DPP8: variants seen among roughly 807,000 people sequenced by gnomAD.
The protein encoded by DPP8 is DPP VIII.
Under a neutral mutation model 107.5 loss-of-function variants are expected in DPP8, and 31 were observed. The ratio of observed to expected loss-of-function variants is 0.29; its 90% CI spans 0.22 to 0.39. The LOEUF (loss-of-function observed/expected upper bound fraction) is 0.39. DPP8 is among the 10% of genes least tolerant of loss of function. The pLI is 1.00. For missense variants in DPP8, 842 were observed against 1,076.1 expected, an observed-to-expected ratio of 0.78 and a Z score of 3.04; for synonymous variants, 381 against 356.6, an observed-to-expected ratio of 1.07 and a Z score of -0.77.
In DPP8 at chr15:65,446,163, T is replaced by G. The variant is rs1471152946; in HGVS notation, c.*721A>C. ...CTGTAATTATCAATATCATGACTAA[T>G]TAAATCCATGCTACATATACAGTTA... On this transcript the variant is annotated 3_prime_UTR_variant, in exon 20 of 20. Transcript: ENST00000300141. The G allele has an allele frequency of 6.6e-6, 1 of 152,064 alleles. No individual in the cohort carries two copies. Among genetic ancestry groups the G allele is most frequent in the Non-Finnish European group, 1.5e-5 (1 of 68,006 alleles). The allele number at this position is 152,064 out of a possible 1,614,324, so 9.4% of individuals were successfully genotyped here. A position where few individuals can be genotyped will look rare whatever the true frequency, so the allele number is the denominator to read the frequency against.
rs765966987 is a variant in DPP8 at position 65,512,383 on chromosome 15, G to A, written c.171C>T (p.Gly57=). 3 of 1,613,672 alleles carry A rather than the reference G, an allele frequency of 1.9e-6. No homozygotes were observed. The highest frequency in any genetic ancestry group is 2.7e-5 in the African/African-American group (2 of 74,886). ...KLLADTRKYH[G]YMMAKAPHDF... ...CATGTGGTGCCTTAGCCATCATGTA[G>A]CCATGATATTTTCTGGTATCGGCAA... Residue 57 remains glycine (G), a synonymous_variant, in exon 2 of 20, where the codon GGC becomes GGT. Transcript: ENST00000300141.
chr15:65,480,420 G>GA (rs2066815603), intron 9 of DPP8, 21 bp from the exon 10 acceptor site: 2 of 1,574,778 alleles, frequency 1.3e-6, no homozygotes, highest in South Asian at 2.3e-5. Flanking sequence ...AAATAAAAGA[G>GA]AAGAACCAGA....
chr15:65,511,726 A>C (rs1375415910), intron 2 of DPP8, among the ~76,000 whole-genome samples: 2 of 27,602 alleles, frequency 7.2e-5, no homozygotes, highest in Non-Finnish European at 1.2e-4. Flanking sequence ...TACACACACC[A>C]CACACACACA....
chr15:65,482,422 T>C (rs896792434), intron 8 of DPP8, among the ~76,000 whole-genome samples: 1 of 151,944 alleles, frequency 6.6e-6, no homozygotes, highest in African/African-American at 2.4e-5. Context: ...GCTGGGATTA[T>C]GGGTATATAC....
chr15:65,494,703 T>C (rs913656324), intron 5 of DPP8, among the ~76,000 whole-genome samples: 4 of 150,318 alleles, frequency 2.7e-5, no homozygotes, highest in African/African-American at 9.8e-5. Flanking sequence ...ACAGATTTAC[T>C]AACTACCAAC....
intron 17 of DPP8, among the ~76,000 whole-genome samples, chr15:65,452,450 A>G (rs1201582156): frequency 6.6e-6 from 1 of 151,734 alleles, no homozygotes; most frequent in Admixed American, 6.6e-5. Flanking sequence ...AAAAGGAGCC[A>G]CCTTTTTTTT....
rs747052608 is a variant in DPP8 at position 65,463,900 on chromosome 15, A to T, written c.1832T>A (p.Leu611His). 6.4e-7 allele frequency: 1 copy of T among 1,572,498 alleles called. No homozygotes were observed. The highest frequency in any genetic ancestry group is 1.9e-5 in the Admixed American group (1 of 51,326). ...AATTTCTGGAGGAGTATAGTCAGGA[A>T]GAGGACCTGTGAATAGGTAACATAA... is the stretch of plus-strand genomic sequence containing the variant. The part of the protein sequence containing the change: ...WATILDSAGP[L>H]PDYTPPEIFS... The change falls in exon 15 of 20, where the codon CTT (leucine) becomes CAT (histidine). Residue 611 changes from leucine (L) to histidine (H), a missense_variant. By Grantham distance (99) the Leu-to-His change is moderately conservative (BLOSUM62 -3). Around this residue, in one of 2 missense-constraint regions of DPP8, gnomAD observed 663 missense variants for 758.0 expected, o/e 0.87. Coordinates refer to ENST00000300141, the MANE Select transcript of DPP8 (RefSeq NM_130434.5).
chr15:65,472,615 A>G (rs2065990951), intron 12 of DPP8, among the ~76,000 whole-genome samples: 1 of 152,200 alleles, frequency 6.6e-6, no homozygotes. Context: ...CGCAATTTAT[A>G]ATGTAGACAC....
At chr15:65,466,559 G>T in intron 14 of DPP8, 119 bp downstream of exon 14, 5 of 885,832 alleles carry the variant, frequency 5.6e-6, no homozygotes, top group Non-Finnish European at 7.2e-6. Context: ...AGCAGCTCAG[G>T]GACAGGCAGT....
intron 12 of DPP8, among the ~76,000 whole-genome samples, chr15:65,473,325 C>CAAAA (rs574732255): frequency 2.2e-4 from 21 of 94,812 alleles, no homozygotes; most frequent in East Asian, 1.6e-3. Context: ...ACTCCATCTC[C>CAAAA]AAAAAAAAAA....
At chr15:65,503,876 C>T (rs1372428938) in intron 3 of DPP8, among the ~76,000 whole-genome samples, 1 of 152,004 alleles carries the variant, frequency 6.6e-6, no homozygotes. Context: ...CCACCCGCCT[C>T]AGCCTCCCAA....
chr15:65,511,074 T>C (rs1485192210), intron 2 of DPP8, among the ~76,000 whole-genome samples: 1 of 152,148 alleles, frequency 6.6e-6, no homozygotes, highest in African/African-American at 2.4e-5. Flanking sequence ...ATTCAAAATA[T>C]ATATACCCTT....
intron 3 of DPP8, among the ~76,000 whole-genome samples, chr15:65,505,114 G>T (rs976805079): frequency 1.3e-5 from 2 of 152,122 alleles, no homozygotes; most frequent in African/African-American, 4.8e-5. Flanking sequence ...CCAGCACTTT[G>T]GGAGGCCGAG....
intron 12 of DPP8, among the ~76,000 whole-genome samples, chr15:65,470,921 A>C (rs1222934797): frequency 6.8e-6 from 1 of 147,008 alleles, no homozygotes; most frequent in Admixed American, 6.8e-5. Flanking sequence ...TCTTATCTCA[A>C]AAAAAAAAAA....
chr15:65,497,531 G>A lies in DPP8; in HGVS notation c.715+333C>T, dbSNP rs539837046. 7.9e-5 allele frequency among the ~76,000 whole-genome samples: 12 copies of A among 152,256 alleles called. No individual in the cohort carries two copies. In the East Asian group the frequency reaches 2.1e-3, roughly 27 times the overall value. On this transcript the variant is annotated intron_variant, in intron 5 of 19. Coordinates refer to ENST00000300141, the MANE Select transcript of DPP8 (RefSeq NM_130434.5). ...AGCCTCCCAGAGTGCTAGGATTACA[G>A]GCATGAGCCACCATGCCTAGCCTAA...
intron 16 of DPP8, among the ~76,000 whole-genome samples, chr15:65,454,655 T>C (rs1034720642): frequency 2.6e-5 from 4 of 152,176 alleles, no homozygotes; most frequent in African/African-American, 7.2e-5. Context: ...GCCTCCCAAG[T>C]AGCTGGGATC....
chr15:65,486,463 G>A (rs2140851496), intron 7 of DPP8, among the ~76,000 whole-genome samples: 1 of 151,972 alleles, frequency 6.6e-6, no homozygotes, highest in South Asian at 2.1e-4. Flanking sequence ...GCTGAGGTGG[G>A]AAAATGGCCT....
Position 65,515,554 on chromosome 15 carries a change from T to C in DPP8, c.-12+1932A>G, listed in dbSNP as rs2071346041. On this transcript the variant is annotated intron_variant, in intron 1 of 19. Coordinates refer to ENST00000300141, the MANE Select transcript of DPP8 (RefSeq NM_130434.5). ...AAAATAGGTGACCTGAATTTTCTAA[T>C]GTCAAAAATAGGAAAATAGGGTCAG... 5.0e-6 allele frequency: 5 copies of C among 993,008 alleles called. No homozygotes were observed. In the East Asian group the frequency reaches 1.2e-4, roughly 24 times the overall value. The allele number at this position is 993,008 out of a possible 1,614,324, so 61.5% of individuals were successfully genotyped here.
At chr15:65,475,734 T>G in intron 11 of DPP8, 1 of 487,774 alleles carries the variant, frequency 2.1e-6, no homozygotes, top group South Asian at 2.0e-5. Context: ...CCATAGCAAA[T>G]GTCAACATGC....
Sources: allele counts gnomAD v4.1 joint callset (sites outside exome capture counted in the v4.1 genomes callset), GRCh38; gene constraint gnomAD v4.1.1; regional missense constraint gnomAD v4.1.1; transcripts MANE v1.5; gene names NCBI Gene and HGNC (gene_info 2026-07-23, HGNC 2026-07-21).